ULK4: variants seen among roughly 807,000 people sequenced by gnomAD.
The protein encoded by ULK4 is unc-51 like kinase 4, also known as inactive serine/threonine-protein kinase ULK4.
ULK4 carries 133 observed loss-of-function variants against 160.6 expected under a neutral mutation model. The ratio of observed to expected loss-of-function variants is 0.83; its 90% CI spans 0.72 to 0.96. The LOEUF is 0.96. Among genes scored for constraint, ULK4 ranks in the 40% least tolerant of loss-of-function variants. The pLI, the probability that ULK4 is intolerant of heterozygous loss-of-function variation, is 0.00. For missense variants in ULK4, 1,580 were observed against 1,499.5 expected, an observed-to-expected ratio of 1.05 and a Z score of -0.89; for synonymous variants, 534 against 539.8, an observed-to-expected ratio of 0.99 and a Z score of 0.15.
At chr3:41,318,831 T>C (rs2080194008) in intron 35 of ULK4, among the ~76,000 whole-genome samples, 1 of 152,218 alleles carries the variant, frequency 6.6e-6, no homozygotes, top group Non-Finnish European at 1.5e-5. Context: ...AAAATAGCTG[T>C]ATTTGGAATG....
chr3:41,607,819 C>T (rs1202300781), intron 31 of ULK4, among the ~76,000 whole-genome samples: 1 of 152,188 alleles, frequency 6.6e-6, no homozygotes, highest in African/African-American at 2.4e-5. Context: ...TGCCTGCATG[C>T]ACACTTAGGA....
chr3:41,819,403 G>A lies in ULK4; in HGVS notation c.1848+20C>T, dbSNP rs760489149. On this transcript the variant is annotated intron_variant, in intron 19 of 36. Coordinates refer to ENST00000301831, the MANE Select transcript of ULK4 (RefSeq NM_017886.4). The stretch of plus-strand genomic sequence containing the variant: ...TATTACAATTGCCAGCATCTACAGA[G>A]GACAACAAAGGAGCCTTACCCCTTC... 1.4e-5 allele frequency: 22 copies of A among 1,608,262 alleles called. No individual in the cohort carries two copies. The highest frequency in any genetic ancestry group is 1.9e-5 in the Non-Finnish European group (22 of 1,177,618).
At chr3:41,473,413 G>A (rs991434014) in intron 32 of ULK4, among the ~76,000 whole-genome samples, 1 of 152,048 alleles carries the variant, frequency 6.6e-6, no homozygotes, top group African/African-American at 2.4e-5. Context: ...TGTAAACCCA[G>A]CACTTTGGGA....
intron 29 of ULK4, among the ~76,000 whole-genome samples, chr3:41,674,138 T>C (rs2035627167): frequency 6.6e-6 from 1 of 152,236 alleles, no homozygotes; most frequent in African/African-American, 2.4e-5. Context: ...CATAAGAGTA[T>C]TAAAATCTCC....
intron 2 of ULK4, among the ~76,000 whole-genome samples, chr3:41,953,269 T>C (rs1435899875): frequency 1.1e-4 from 9 of 81,848 alleles, no homozygotes; most frequent in Non-Finnish European, 2.1e-4. Context: ...TATATACACA[T>C]ATATACATAT....
In ULK4 at chr3:41,772,096, C is replaced by A. The variant is rs141161932; in HGVS notation, c.2193+17565G>T. Among the ~76,000 whole-genome samples the A allele has an allele frequency of 5.3e-5, 8 of 152,208 alleles. No homozygotes were observed. In the East Asian group the frequency reaches 1.5e-3, roughly 29 times the overall value. On this transcript the variant is annotated intron_variant, in intron 21 of 36. Transcript: ENST00000301831. ...ACTGTGTAGAGGGAAGTTTATAGCT[C>A]TAAATGCCCACAAGAGAAAACAGGA...
chr3:41,411,005 T>C (rs1462017653), intron 34 of ULK4, among the ~76,000 whole-genome samples: 3 of 152,222 alleles, frequency 2.0e-5, no homozygotes, highest in East Asian at 1.9e-4. Flanking sequence ...GAGTGGAGGT[T>C]AGGACTTTAT....
At chr3:41,313,149 T>G (rs1351490817) in intron 35 of ULK4, among the ~76,000 whole-genome samples, 2 of 152,044 alleles carry the variant, frequency 1.3e-5, no homozygotes, top group Non-Finnish European at 2.9e-5. Context: ...CCATGAGGAA[T>G]GAAAAGAGGG....
intron 17 of ULK4, among the ~76,000 whole-genome samples, chr3:41,840,205 G>T (rs187204334): frequency 1.8e-4 from 27 of 152,286 alleles, no homozygotes; most frequent in Non-Finnish European, 3.5e-4. Flanking sequence ...AATACGGGAG[G>T]ATGGCTTGAG....
chr3:41,440,570 G>C (rs2083141513), intron 34 of ULK4, among the ~76,000 whole-genome samples: 2 of 151,920 alleles, frequency 1.3e-5, no homozygotes, highest in Admixed American at 1.3e-4. Context: ...CTAAAATTTT[G>C]TTTAAATTTT....
intron 17 of ULK4, among the ~76,000 whole-genome samples, chr3:41,866,444 T>C (rs1016831778): frequency 2.0e-5 from 3 of 152,234 alleles, no homozygotes; most frequent in Non-Finnish European, 4.4e-5. Context: ...CCTCAGATTA[T>C]CAGGCATTAG....
intron 32 of ULK4, among the ~76,000 whole-genome samples, chr3:41,503,655 A>G (rs532708749): frequency 6.6e-6 from 1 of 152,320 alleles, no homozygotes; most frequent in Non-Finnish European, 1.5e-5. Context: ...ATGTCTTTTT[A>G]TATCTTTTCA....
At chr3:41,948,758 A>C (rs980612096) in intron 2 of ULK4, among the ~76,000 whole-genome samples, 1 of 151,624 alleles carries the variant, frequency 6.6e-6, no homozygotes, top group African/African-American at 2.4e-5. Context: ...CTAGGAATAG[A>C]AGGAAACTAT....
chr3:41,505,972 T>C (rs972675387), intron 32 of ULK4, among the ~76,000 whole-genome samples: 1 of 152,164 alleles, frequency 6.6e-6, no homozygotes, highest in Non-Finnish European at 1.5e-5. Context: ...CAAACTAAGG[T>C]AATTCCCTTT....
In ULK4 at chr3:41,506,807, T is replaced by C. The variant is rs186580007; in HGVS notation, c.3227-43554A>G. 4.4e-3 allele frequency among the ~76,000 whole-genome samples: 491 copies of C among 110,638 alleles called. 14 individuals are homozygous for C. The highest frequency in any genetic ancestry group is 0.016 in the African/African-American group (480 of 29,116). The allele number at this position is 110,638 out of a possible 152,430, so 72.6% of individuals were successfully genotyped here. On this transcript the variant is annotated intron_variant, in intron 32 of 36. Coordinates refer to ENST00000301831, the MANE Select transcript of ULK4 (RefSeq NM_017886.4). Reference sequence around the variant, plus strand: ...ATATATATATATATATATATATATATGAACATGTTTTACAATTATTTTTAC... The same window carrying C: ...ATATATATATATATATATATATATACGAACATGTTTTACAATTATTTTTAC...
At chr3:41,451,323 T>A (rs2083420502) in intron 34 of ULK4, among the ~76,000 whole-genome samples, 1 of 151,714 alleles carries the variant, frequency 6.6e-6, no homozygotes, top group South Asian at 2.1e-4. Flanking sequence ...TTGTAAAGAA[T>A]CCTAAACTGA....
At chr3:41,952,011 CCAAA>C (rs1467231190) in intron 2 of ULK4, among the ~76,000 whole-genome samples, 1 of 152,040 alleles carries the variant, frequency 6.6e-6, no homozygotes, top group Non-Finnish European at 1.5e-5. Context: ...TCTTAGCAGC[CCAAA>C]CAGAGACATT....
chr3:41,917,988 A>AAAAT (rs150895020), intron 7 of ULK4, among the ~76,000 whole-genome samples: 12,407 of 147,546 alleles, frequency 0.084, 574 homozygotes, highest in Middle Eastern at 0.2. Flanking sequence ...CTCTGTCTCA[A>AAAAT]AAATAAATAA....
intron 20 of ULK4, among the ~76,000 whole-genome samples, chr3:41,799,906 A>G (rs2040405730): frequency 6.6e-6 from 1 of 152,144 alleles, no homozygotes; most frequent in Non-Finnish European, 1.5e-5. Context: ...CCATAATACC[A>G]TAGTCCTAAC....
Sources: gnomAD v4.1 joint callset for allele counts (sites outside exome capture counted in the v4.1 genomes callset) on GRCh38, gnomAD v4.1.1 for gene constraint, MANE v1.5 for transcripts, NCBI Gene and HGNC (gene_info 2026-07-23, HGNC 2026-07-21) for gene names.